The following ZNF385B variants were observed in gnomAD, a reference collection of about 807,000 sequenced individuals.
ZNF385B encodes zinc finger protein 385B.
ZNF385B carries 23 observed loss-of-function variants against 39.2 expected under a neutral mutation model. The ratio of observed to expected loss-of-function variants is 0.59; its 90% confidence interval spans 0.42 to 0.83. ZNF385B has a LOEUF of 0.83. ZNF385B is among the 40% of genes least tolerant of loss of function. The pLI is 0.00. For synonymous variants in ZNF385B, 205 were observed against 222.6 expected, an observed-to-expected ratio of 0.92 and a Z score of 0.70; for missense variants, 552 against 598.9, an observed-to-expected ratio of 0.92 and a Z score of 0.82.
intron 3 of ZNF385B, among the ~76,000 whole-genome samples, chr2:179,601,129 T>A (rs1688377334): frequency 6.6e-6 from 1 of 152,188 alleles, no homozygotes; most frequent in Non-Finnish European, 1.5e-5. Flanking sequence ...CAAAAATGCA[T>A]ATTCTTACAA....
chr2:179,848,202 T>C (rs894872689), intron 1 of ZNF385B, among the ~76,000 whole-genome samples: 15 of 152,208 alleles, frequency 9.9e-5, no homozygotes, highest in African/African-American at 3.6e-4. Flanking sequence ...TCCACTCTGC[T>C]AGCAGGCTGC....
intron 3 of ZNF385B, among the ~76,000 whole-genome samples, chr2:179,589,125 C>T (rs1687345842): frequency 6.6e-6 from 1 of 152,162 alleles, no homozygotes; most frequent in Non-Finnish European, 1.5e-5. Context: ...TAATCATACC[C>T]AAGCACCTTG....
chr2:179,762,334 C>T (rs1165325778), intron 3 of ZNF385B, among the ~76,000 whole-genome samples: 1 of 152,168 alleles, frequency 6.6e-6, no homozygotes, highest in Non-Finnish European at 1.5e-5. Flanking sequence ...GGATTACAGG[C>T]ACTCACTACT....
chr2:179,704,285 C>T (rs1276385345), intron 3 of ZNF385B, among the ~76,000 whole-genome samples: 17 of 152,046 alleles, frequency 1.1e-4, no homozygotes, highest in African/African-American at 2.4e-4. Context: ...TCATATAATA[C>T]GGTTCCACTA....
chr2:179,504,324 CCGCAATAAACATA>C (rs2057048338), intron 5 of ZNF385B, among the ~76,000 whole-genome samples: 1 of 151,702 alleles, frequency 6.6e-6, no homozygotes, highest in Non-Finnish European at 1.5e-5. Context: ...GTGAATAATG[CCGCAATAAACATA>C]CGTGTGCATG....
At chr2:179,445,437 CAA>C in intron 8 of ZNF385B, 111 bp downstream of exon 8, 1 of 1,009,972 alleles carries the variant, frequency 9.9e-7, no homozygotes, top group Non-Finnish European at 1.4e-6. Flanking sequence ...CTGCATCCTA[CAA>C]AAGTTAGTCA....
intron 3 of ZNF385B, among the ~76,000 whole-genome samples, chr2:179,631,067 G>A (rs1354991228): frequency 2.0e-5 from 3 of 152,182 alleles, no homozygotes; most frequent in Non-Finnish European, 2.9e-5. Flanking sequence ...AAGTGACAGG[G>A]AGAATGGAAC....
chr2:179,662,653 C>A (rs1694630982), intron 3 of ZNF385B, among the ~76,000 whole-genome samples: 1 of 152,162 alleles, frequency 6.6e-6, no homozygotes. Context: ...CTCCTTAATT[C>A]TTCCTTAATC....
chr2:179,565,796 T>A (rs1684500091), intron 3 of ZNF385B, among the ~76,000 whole-genome samples: 2 of 152,260 alleles, frequency 1.3e-5, no homozygotes. Context: ...CTTCCCTCTT[T>A]TTTCAGAAGA....
chr2:179,624,024 C>T (rs1690450629), intron 3 of ZNF385B, among the ~76,000 whole-genome samples: 1 of 152,132 alleles, frequency 6.6e-6, no homozygotes, highest in Non-Finnish European at 1.5e-5. Flanking sequence ...TCCTCAAGAT[C>T]ACCTCTCCTT....
chr2:179,732,436 AAAG>A (rs1218321405), intron 3 of ZNF385B, among the ~76,000 whole-genome samples: 1 of 152,218 alleles, frequency 6.6e-6, no homozygotes, highest in African/African-American at 2.4e-5. Context: ...CTTGAAATGC[AAAG>A]AAGAACATAT....
At chr2:179,766,475 T>C (rs556261464) in intron 3 of ZNF385B, among the ~76,000 whole-genome samples, 10 of 152,252 alleles carry the variant, frequency 6.6e-5, no homozygotes, top group Admixed American at 5.2e-4. Flanking sequence ...GCTAGAAGTA[T>C]AAAAAATCAA....
At chr2:179,716,619 G>A (rs1462650261) in intron 3 of ZNF385B, among the ~76,000 whole-genome samples, 2 of 152,144 alleles carry the variant, frequency 1.3e-5, no homozygotes, top group Non-Finnish European at 2.9e-5. Context: ...AATTCTAAAA[G>A]GTAGTCTAAT....
At chr2:179,640,457 TAATC>T (rs765732158) in intron 3 of ZNF385B, among the ~76,000 whole-genome samples, 10 of 151,962 alleles carry the variant, frequency 6.6e-5, no homozygotes, top group African/African-American at 9.7e-5. Context: ...TATGAAACAT[TAATC>T]AACATTCTAT....
At chr2:179,529,132 G>A (rs935774848) in intron 4 of ZNF385B, among the ~76,000 whole-genome samples, 21 of 152,026 alleles carry the variant, frequency 1.4e-4, no homozygotes, top group African/African-American at 4.3e-4. Context: ...AAATTCTATC[G>A]CATAGGTGTT....
chr2:179,700,146 T>C (rs1197232855), intron 3 of ZNF385B, among the ~76,000 whole-genome samples: 2 of 152,044 alleles, frequency 1.3e-5, no homozygotes, highest in Admixed American at 1.3e-4. Flanking sequence ...AAGCACCTTA[T>C]GCAAATGACT....
At chr2:179,712,048 A>C (rs757978552) in intron 3 of ZNF385B, among the ~76,000 whole-genome samples, 5 of 152,104 alleles carry the variant, frequency 3.3e-5, no homozygotes, top group Non-Finnish European at 7.4e-5. Context: ...TATTGAAGTC[A>C]ATAGGTTCTG....
At chr2:179,564,404 T>C (rs1684312607) in intron 3 of ZNF385B, among the ~76,000 whole-genome samples, 1 of 152,128 alleles carries the variant, frequency 6.6e-6, no homozygotes, top group South Asian at 2.1e-4. Context: ...CAGGCATCTC[T>C]TACCTAGCTA....
At chr2:179,737,946 A>G (rs1011875435) in intron 3 of ZNF385B, among the ~76,000 whole-genome samples, 3 of 152,174 alleles carry the variant, frequency 2.0e-5, no homozygotes, top group African/African-American at 7.2e-5. Flanking sequence ...TAATGAACAA[A>G]TGGTCACTCA....
Sources: allele counts gnomAD v4.1 joint callset (sites outside exome capture counted in the v4.1 genomes callset), GRCh38; gene constraint gnomAD v4.1.1; transcripts MANE v1.5; gene names NCBI Gene and HGNC (gene_info 2026-07-23, HGNC 2026-07-21).